GLIS3: variants seen among roughly 807,000 people sequenced by gnomAD.
The protein encoded by GLIS3 is GLIS family zinc finger 3, also known as zinc finger protein GLIS3.
In GLIS3, 53 loss-of-function variants were observed where a neutral mutation model predicts 78.6. The observed-to-expected ratio is 0.67, with a 90% CI of 0.54 to 0.85. The LOEUF is 0.85. GLIS3 is among the 40% of genes least tolerant of loss of function. The pLI, the probability that GLIS3 is intolerant of heterozygous loss-of-function variation, is 0.00. For missense variants in GLIS3, 1,703 were observed against 1,231.1 expected (o/e 1.38, Z -5.74); for synonymous variants, 684 against 509.9 (o/e 1.34, Z -4.60).
chr9:4,167,580 T>C (rs1487300643), intron 2 of GLIS3, among the ~76,000 whole-genome samples: 1 of 152,164 alleles, frequency 6.6e-6, no homozygotes, highest in African/African-American at 2.4e-5. Flanking sequence ...AATATATGCT[T>C]GCTGAATGAA....
intron 7 of GLIS3, among the ~76,000 whole-genome samples, chr9:3,895,442 G>C (rs1822759237): frequency 1.3e-5 from 2 of 152,158 alleles, no homozygotes; most frequent in Non-Finnish European, 2.9e-5. Flanking sequence ...GAGCAGGCTT[G>C]GGGAGGCCTG....
chr9:4,071,064 G>A (rs1186239027), intron 4 of GLIS3: 1 of 152,136 alleles, frequency 6.6e-6, no homozygotes, highest in East Asian at 1.9e-4. Flanking sequence ...AAAAAGATCT[G>A]TAAGATCTTT....
intron 10 of GLIS3, 66 bp from the exon 11 acceptor site, chr9:3,828,474 C>T: frequency 6.3e-7 from 1 of 1,594,602 alleles, no homozygotes; most frequent in Non-Finnish European, 8.6e-7. Context: ...TGGAAATGCA[C>T]TACAGTAATG....
chr9:3,971,457 A>T (rs1286852008), intron 4 of GLIS3, among the ~76,000 whole-genome samples: 1 of 152,192 alleles, frequency 6.6e-6, no homozygotes, highest in Non-Finnish European at 1.5e-5. Context: ...CAGAAATGAG[A>T]AAATTCTAAA....
At chr9:4,476,379 G>C in the GLIS3 span, among the ~76,000 whole-genome samples, 1 of 151,672 alleles carries the variant, frequency 6.6e-6, no homozygotes, top group Non-Finnish European at 1.5e-5. Context: ...TTTTTGTTTT[G>C]AGACAGAGTT....
the GLIS3 span, among the ~76,000 whole-genome samples, chr9:4,364,825 C>G: frequency 7.8e-6 from 1 of 127,516 alleles, no homozygotes; most frequent in African/African-American, 3.0e-5. Context: ...CAGGCTGAAG[C>G]ACAGCGGCTA....
chr9:4,190,445 A>C (rs1818230500), intron 2 of GLIS3, among the ~76,000 whole-genome samples: 1 of 145,546 alleles, frequency 6.9e-6, no homozygotes, highest in Non-Finnish European at 1.5e-5. Flanking sequence ...ATGGAAGATG[A>C]AATGAATGAA....
chr9:4,331,390 C>T (rs947789283), intron 2 of GLIS3, among the ~76,000 whole-genome samples: 1 of 82,640 alleles, frequency 1.2e-5, no homozygotes, highest in African/African-American at 2.8e-5. Flanking sequence ...CCATCTAGAC[C>T]CTATTCCAAA....
intron 6 of GLIS3, among the ~76,000 whole-genome samples, chr9:3,905,098 G>A (rs996752612): frequency 1.0e-4 from 15 of 149,550 alleles, no homozygotes; most frequent in Admixed American, 7.3e-4. Flanking sequence ...TCAGCCTCCC[G>A]AGTAGCTGGG....
At chr9:4,432,794 C>T in the GLIS3 span, among the ~76,000 whole-genome samples, 3 of 151,944 alleles carry the variant, frequency 2.0e-5, no homozygotes, top group Non-Finnish European at 4.4e-5. Flanking sequence ...GCGCCCGCCA[C>T]CACGCCCGGC....
chr9:4,160,588 C>G (rs893061103), intron 2 of GLIS3, among the ~76,000 whole-genome samples: 1 of 152,194 alleles, frequency 6.6e-6, no homozygotes, highest in Non-Finnish European at 1.5e-5. Context: ...CCAAATGAGT[C>G]CACGTTAACC....
chr9:3,953,382 T>C (rs979815243), intron 4 of GLIS3, among the ~76,000 whole-genome samples: 1 of 152,220 alleles, frequency 6.6e-6, no homozygotes, highest in African/African-American at 2.4e-5. Context: ...GTGATCAATA[T>C]TGTACAGATC....
At chr9:3,922,945 G>T (rs1171978586) in intron 6 of GLIS3, among the ~76,000 whole-genome samples, 1 of 152,120 alleles carries the variant, frequency 6.6e-6, no homozygotes, top group Non-Finnish European at 1.5e-5. Flanking sequence ...GGGTCATTGG[G>T]AACAACCAGA....
chr9:4,141,992 A>G (rs1274348212), intron 2 of GLIS3, among the ~76,000 whole-genome samples: 1 of 152,216 alleles, frequency 6.6e-6, no homozygotes, highest in African/African-American at 2.4e-5. Context: ...TGTGACTTTC[A>G]TCTCTGCACC....
chr9:3,964,713 G>A (rs1056981398), intron 4 of GLIS3, among the ~76,000 whole-genome samples: 2 of 152,096 alleles, frequency 1.3e-5, no homozygotes, highest in Admixed American at 1.3e-4. Flanking sequence ...TTCATATTTT[G>A]TCTTCAAAAT....
At chr9:4,236,152 G>A (rs964848749) in intron 2 of GLIS3, among the ~76,000 whole-genome samples, 1 of 116,252 alleles carries the variant, frequency 8.6e-6, no homozygotes, top group Non-Finnish European at 1.6e-5. Flanking sequence ...GTGCTCCCTG[G>A]CCACAGCTAG....
intron 6 of GLIS3, among the ~76,000 whole-genome samples, chr9:3,904,199 T>G (rs1823509249): frequency 6.6e-6 from 1 of 152,212 alleles, no homozygotes; most frequent in South Asian, 2.1e-4. Flanking sequence ...GTGACTGCTG[T>G]ACTGTGGAAT....
At position 4,118,204 on chromosome 9, in the gene GLIS3, G is replaced by T; in HGVS notation, c.1274C>A (p.Ala425Asp). ...CAGGCGTTCGGTCTTGAACAGGCCG[G>T]CCGACTGGCTGTCGGGGCCCGGCAG... ...HGLPGPDSQS[A>D]GLFKTERLEE... The change falls in exon 4 of 11, where the codon GCC becomes GAC. Residue 425 changes from alanine to aspartate, a missense_variant. Ala to Asp is a moderately radical substitution (Grantham distance 126, BLOSUM62 -2). Coordinates refer to ENST00000381971, the MANE Select transcript of GLIS3 (RefSeq NM_001042413.2). This position sits in a 1 kb window ranked among gnomAD's most constrained non-coding sequence, Gnocchi z 4.7. The T allele has an allele frequency of 1.3e-6, 2 of 1,586,206 alleles. No homozygotes were observed. The highest frequency in any genetic ancestry group is 1.7e-6 in the Non-Finnish European group (2 of 1,166,074).
chr9:4,180,810 A>G (rs1378964104), intron 2 of GLIS3, among the ~76,000 whole-genome samples: 1 of 152,174 alleles, frequency 6.6e-6, no homozygotes, highest in Non-Finnish European at 1.5e-5. Flanking sequence ...GGTGTAGCAG[A>G]GGGCAAAATA....
Sources: allele counts gnomAD v4.1 joint callset (sites outside exome capture counted in the v4.1 genomes callset), GRCh38; gene constraint gnomAD v4.1.1; non-coding constraint Gnocchi (gnomAD v3.1); transcripts MANE v1.5; gene names NCBI Gene and HGNC (gene_info 2026-07-23, HGNC 2026-07-21).